SMIM12: variants seen among roughly 807,000 people sequenced by gnomAD.
SMIM12 encodes UPF0767 protein C1orf212.
Under a neutral mutation model 6.3 loss-of-function variants are expected in SMIM12, and 5 were observed. The observed-to-expected ratio is 0.80, with a 90% CI of 0.42 to 1.68. The LOEUF (loss-of-function observed/expected upper bound fraction) is 1.68. Among genes scored for constraint, SMIM12 ranks in the 40% most tolerant of loss-of-function variants. SMIM12 has a pLI of 0.02. For synonymous variants in SMIM12, 51 were observed against 48.0 expected, an observed-to-expected ratio of 1.06 and a Z score of -0.26; for missense variants, 103 against 121.4, an observed-to-expected ratio of 0.85 and a Z score of 0.71.
In SMIM12 at chr1:34,855,954, C is replaced by G; in HGVS notation, c.24G>C (p.Val8=). MWPVFWT[V]VRTYAPYVTF... is the part of the protein sequence containing the mutation. ...TGACATAAGGAGCATAGGTACGAAC[C>G]ACGGTCCAAAACACAGGCCACATGA... The change falls in exon 2 of 2, where the codon GTG becomes GTC. Residue 8 remains valine, a synonymous_variant. Transcript: ENST00000521580. The G allele has an allele frequency of 6.5e-7, 1 of 1,549,420 alleles. No individual in the cohort carries two copies. Among genetic ancestry groups the G allele is most frequent in the Non-Finnish European group, 8.7e-7 (1 of 1,145,120 alleles).
intron 1 of SMIM12, chr1:34,856,659 C>T (rs1638663995): frequency 6.6e-6 from 1 of 152,196 alleles, no homozygotes; most frequent in African/African-American, 2.4e-5. Context: ...TCTCCATGAG[C>T]ACAGCCGGCC....
Position 34,855,682 on chromosome 1 carries a change from G to A in SMIM12, c.*17C>T. 1 of 1,613,144 alleles carries A rather than the reference G, an allele frequency of 6.2e-7. No homozygotes were observed. Among genetic ancestry groups the A allele is most frequent in the Non-Finnish European group, 8.5e-7 (1 of 1,179,130 alleles). ...AGTCACCACCCACAGTAGGACCATAGGGCCCTGTGTCCTCCATTAATTCTT... is the reference window on the plus strand; with the variant it reads ...AGTCACCACCCACAGTAGGACCATAAGGCCCTGTGTCCTCCATTAATTCTT... On this transcript the variant is annotated 3_prime_UTR_variant, in exon 2 of 2. Transcript: ENST00000521580.
chr1:34,859,617 G>C (rs1469155556), intron 1 of SMIM12, 60 bp downstream of exon 1: 3 of 152,350 alleles, frequency 2.0e-5, no homozygotes, highest in African/African-American at 7.2e-5. Context: ...CACTCCTCCC[G>C]TAACTCAGAG....
chr1:34,856,161 C>A (rs1472874908), intron 1 of SMIM12, among the ~76,000 whole-genome samples, 179 bp from the exon 2 acceptor site: 1 of 150,912 alleles, frequency 6.6e-6, no homozygotes, highest in East Asian at 1.9e-4. Flanking sequence ...GCTCACCGCA[C>A]CCTCCACCTC....
chr1:34,854,967 T>C lies in SMIM12; in HGVS notation c.*732A>G, dbSNP rs955085250. On this transcript the variant is annotated 3_prime_UTR_variant, in exon 2 of 2. Transcript: ENST00000521580. Reference sequence around the variant, plus strand: ...TTGGCACCCTTTAATACCAATGTTATCCTGCTCTAAAATGCCTGTACTTGC... The same window carrying C: ...TTGGCACCCTTTAATACCAATGTTACCCTGCTCTAAAATGCCTGTACTTGC... 1 of 974,750 alleles carries C rather than the reference T, an allele frequency of 1.0e-6. No individual in the cohort carries two copies. Among genetic ancestry groups the C allele is most frequent in the Non-Finnish European group, 1.4e-6 (1 of 726,964 alleles). The allele number at this position is 974,750 out of a possible 1,614,324, so 60.4% of individuals were successfully genotyped here. A position where few individuals can be genotyped will look rare whatever the true frequency, so the allele number is the denominator to read the frequency against.
At position 34,854,080 on chromosome 1, in the gene SMIM12, T is replaced by C. The variant is rs6697614; in HGVS notation, c.*1619A>G. On this transcript the variant is annotated 3_prime_UTR_variant, in exon 2 of 2. Transcript: ENST00000521580. ...CAGCACTTTGGGAGGCCGAGGCAGA[T>C]GGGATCGCTTGAGGTCAGGAGTTCG... The C allele has an allele frequency of 0.26, 39,096 of 151,804 alleles. 7,671 individuals carry two copies. The highest frequency in any genetic ancestry group is 0.56 in the African/African-American group (22,992 of 41,332). The allele number at this position is 151,804 out of a possible 1,614,324, so 9.4% of individuals were successfully genotyped here.
rs1640921008 is a variant in SMIM12, at chr1:34,851,182, C to T, written c.*4517G>A. Reference sequence around the variant, plus strand: ...TGAGGTAATGTATGTAAAGTTTTAGCACAGTCTGTGACAATGTATATAAAG... The same window carrying T: ...TGAGGTAATGTATGTAAAGTTTTAGTACAGTCTGTGACAATGTATATAAAG... On this transcript the variant is annotated 3_prime_UTR_variant, in exon 2 of 2. Transcript: ENST00000521580. The T allele has an allele frequency of 6.6e-6, 1 of 152,182 alleles. No individual in the cohort carries two copies. Among genetic ancestry groups the T allele is most frequent in the Admixed American group, 6.5e-5 (1 of 15,284 alleles). The allele number at this position is 152,182 out of a possible 1,614,324, so 9.4% of individuals were successfully genotyped here. A position where few individuals can be genotyped will look rare whatever the true frequency, so the allele number is the denominator to read the frequency against.
At chr1:34,857,448 T>C (rs1638690029) in intron 1 of SMIM12, 1 of 152,202 alleles carries the variant, frequency 6.6e-6, no homozygotes. Context: ...ATTGAGCACT[T>C]ACATGCCAGG....
Position 34,855,181 on chromosome 1 carries a change from A to T in SMIM12, c.*518T>A. The T allele has an allele frequency of 7.3e-7, 1 of 1,368,032 alleles. No homozygotes were observed. Among genetic ancestry groups the T allele is most frequent in the Non-Finnish European group, 9.8e-7 (1 of 1,022,130 alleles). 84.7% of individuals were successfully genotyped at this position (1,368,032 alleles called of 1,614,324 possible). A position where few individuals can be genotyped will look rare whatever the true frequency, so the allele number is the denominator to read the frequency against. The stretch of plus-strand genomic sequence containing the variant: ...AAGTGAACAGTCTGGGCTTCCCAGA[A>T]CAGAAAAGTGCTTTCCTTCCTGGGG... On this transcript the variant is annotated 3_prime_UTR_variant, in exon 2 of 2. Transcript: ENST00000521580.
Position 34,855,926 on chromosome 1 carries a change from A to G in SMIM12, c.52T>C (p.Phe18Leu), listed in dbSNP as rs781131184. 1.3e-6 allele frequency: 2 copies of G among 1,551,642 alleles called. No individual in the cohort carries two copies. Among genetic ancestry groups the G allele is most frequent in the Non-Finnish European group, 1.7e-6 (2 of 1,146,980 alleles). Residue 18 changes from phenylalanine (F) to leucine (L), a missense_variant, in exon 2 of 2, where the codon TTC (phenylalanine) becomes CTC (leucine). Physicochemically the swap from Phe to Leu is conservative, Grantham distance 22. Transcript: ENST00000521580. ...VVRTYAPYVT[F>L]PVAFVVGAVG... ...GCCCCGACCACGAAGGCAACAGGGA[A>G]TGTGACATAAGGAGCATAGGTACGA... is the stretch of plus-strand genomic sequence containing the variant.
rs1376853077 is a variant in SMIM12, at chr1:34,852,176, G to T, written c.*3523C>A. 2.6e-5 allele frequency among the ~76,000 whole-genome samples: 4 copies of T among 152,078 alleles called. No individual in the cohort carries two copies. The highest frequency in any genetic ancestry group is 2.9e-5 in the Non-Finnish European group (2 of 68,024). ...GGAAAGGAAAGAAAAGAATTTAAAAGGGGGCACAATCAAAGTGAGACTGGA... is the reference window on the plus strand; with the variant it reads ...GGAAAGGAAAGAAAAGAATTTAAAATGGGGCACAATCAAAGTGAGACTGGA... On this transcript the variant is annotated 3_prime_UTR_variant, in exon 2 of 2. Transcript: ENST00000521580.
chr1:34,855,863 C>G lies in SMIM12; in HGVS notation c.115G>C (p.Asp39His). ...YHLEWFIRGK[D>H]PQPVEEEKSI... ...TTTTCCTCCTCCACGGGCTGGGGGT[C>G]CTTTCCCCTGATGAACCATTCCAGG... The change falls in exon 2 of 2, where the codon GAC becomes CAC. Residue 39 changes from aspartate to histidine, a missense_variant. By Grantham distance (81) the Asp-to-His change is moderately conservative. Transcript: ENST00000521580. 8 of 1,551,728 alleles carry G rather than the reference C, an allele frequency of 5.2e-6. No homozygotes were observed. The highest frequency in any genetic ancestry group is 7.0e-6 in the Non-Finnish European group (8 of 1,147,010).
At chr1:34,858,256 T>A (rs1044425314) in intron 1 of SMIM12, 4 of 152,246 alleles carry the variant, frequency 2.6e-5, no homozygotes, top group Non-Finnish European at 5.9e-5. Flanking sequence ...CCCAGACTCT[T>A]GTGAAGGCCA....
chr1:34,855,355 C>T lies in SMIM12; in HGVS notation c.*344G>A. The T allele has an allele frequency of 7.0e-7, 1 of 1,437,780 alleles. No individual in the cohort carries two copies. The highest frequency in any genetic ancestry group is 9.4e-7 in the Non-Finnish European group (1 of 1,067,904). 89.1% of individuals were successfully genotyped at this position (1,437,780 alleles called of 1,614,324 possible). ...GCAGGTATCCCTCCTAAAGGCAACG[C>T]CCAAATCCCAGCCATTCCCACTAGA... On this transcript the variant is annotated 3_prime_UTR_variant, in exon 2 of 2. Coordinates refer to ENST00000521580, the MANE Select transcript of SMIM12 (RefSeq NM_138428.6).
In SMIM12 at chr1:34,852,864, GA is replaced by G. The variant is rs1189387593; in HGVS notation, c.*2834del. 1 of 152,382 alleles carries G rather than the reference GA, an allele frequency of 6.6e-6. No homozygotes were observed. The highest frequency in any genetic ancestry group is 1.5e-5 in the Non-Finnish European group (1 of 68,046). 9.4% of individuals were successfully genotyped at this position (152,382 alleles called of 1,614,324 possible). On this transcript the variant is annotated 3_prime_UTR_variant, in exon 2 of 2. Coordinates refer to ENST00000521580, the MANE Select transcript of SMIM12 (RefSeq NM_138428.6). The stretch of plus-strand genomic sequence containing the variant: ...GCACTAGTGTTTGGTTTAGCCCAGG[GA>G]AGTGACTGCAGGCTTGGTAATGCCC...
At chr1:34,857,620 TATCTCTG>T (rs1450221572) in intron 1 of SMIM12, 15 of 152,244 alleles carry the variant, frequency 9.9e-5, no homozygotes, top group African/African-American at 3.6e-4. Context: ...CCAACACTAC[TATCTCTG>T]ATCTAAAGTG....
At chr1:34,857,073 G>T (rs750449693) in intron 1 of SMIM12, 1 of 150,762 alleles carries the variant, frequency 6.6e-6, no homozygotes, top group Non-Finnish European at 1.5e-5. Context: ...CAGCCTGGGC[G>T]GCAGAACGAA....
chr1:34,854,289 C>G lies in SMIM12; in HGVS notation c.*1410G>C, dbSNP rs1638568951. 1 of 152,114 alleles carries G rather than the reference C, an allele frequency of 6.6e-6. No individual in the cohort carries two copies. The highest frequency in any genetic ancestry group is 2.4e-5 in the African/African-American group (1 of 41,396). The allele number at this position is 152,114 out of a possible 1,614,324, so 9.4% of individuals were successfully genotyped here. ...CGCCACTGCACTCCAGCCCGGGTGACAGAATGAGAGTCCATCTCCAAAAAA... is the reference window on the plus strand; with the variant it reads ...CGCCACTGCACTCCAGCCCGGGTGAGAGAATGAGAGTCCATCTCCAAAAAA... On this transcript the variant is annotated 3_prime_UTR_variant, in exon 2 of 2. Transcript: ENST00000521580.
At position 34,851,537 on chromosome 1, in the gene SMIM12, A is replaced by T. The variant is rs1640929580; in HGVS notation, c.*4162T>A. On this transcript the variant is annotated 3_prime_UTR_variant, in exon 2 of 2. Transcript: ENST00000521580. ...CCTGGCTCCCAACCCAGACTCTGGCAAGGCTAATTCCATGATGTTTCACTC... is the reference window on the plus strand; with the variant it reads ...CCTGGCTCCCAACCCAGACTCTGGCTAGGCTAATTCCATGATGTTTCACTC... The T allele has an allele frequency of 6.6e-6, 1 of 152,246 alleles. No homozygotes were observed. Among genetic ancestry groups the T allele is most frequent in the Non-Finnish European group, 1.5e-5 (1 of 68,046 alleles). The allele number at this position is 152,246 out of a possible 1,614,324, so 9.4% of individuals were successfully genotyped here. A position where few individuals can be genotyped will look rare whatever the true frequency, so the allele number is the denominator to read the frequency against.
Sources: gnomAD v4.1 joint callset for allele counts (sites outside exome capture counted in the v4.1 genomes callset) on GRCh38, gnomAD v4.1.1 for gene constraint, MANE v1.5 for transcripts, NCBI Gene and HGNC (gene_info 2026-07-23, HGNC 2026-07-21) for gene names.